Variants in SHTN1 observed in about 807,000 individuals in gnomAD.
SHTN1 encodes shootin 1.
A neutral mutation model predicts 83.1 loss-of-function variants in SHTN1; 42 were observed. That is an observed-to-expected ratio of 0.51 (90% CI 0.39 to 0.65). SHTN1 has a LOEUF of 0.65. Among genes scored for constraint, SHTN1 ranks in the 30% least tolerant of loss-of-function variants. The probability of loss-of-function intolerance (pLI) is 0.00; values close to 1 mark genes in which losing one functional copy is unlikely to be tolerated. For synonymous variants in SHTN1, 224 were observed against 247.7 expected (o/e 0.90, Z 0.90); for missense variants, 622 against 737.8 (o/e 0.84, Z 1.82).
intron 3 of SHTN1, among the ~76,000 whole-genome samples, chr10:116,961,650 G>A (rs1029755758): frequency 7.2e-5 from 11 of 152,122 alleles, no homozygotes; most frequent in East Asian, 1.9e-4. Context: ...CCCAACAATC[G>A]GCTTGGCAGG....
intron 16 of SHTN1, among the ~76,000 whole-genome samples, chr10:116,887,106 T>G (rs1465793188): frequency 1.3e-5 from 2 of 152,140 alleles, no homozygotes; most frequent in Non-Finnish European, 2.9e-5. Context: ...CTGGTCAGAC[T>G]TCAGGAGGGG....
intron 9 of SHTN1, among the ~76,000 whole-genome samples, chr10:116,938,794 C>G (rs1849260858): frequency 2.0e-5 from 3 of 152,238 alleles, no homozygotes; most frequent in Admixed American, 2.0e-4. Context: ...TTCTCTGTCC[C>G]AGGGAGATGG....
intron 2 of SHTN1, among the ~76,000 whole-genome samples, chr10:117,018,863 G>A (rs544453792): frequency 1.3e-4 from 20 of 151,894 alleles, no homozygotes; most frequent in South Asian, 2.1e-4. Flanking sequence ...GAGCCACTGC[G>A]CCTGGCCTGC....
chr10:116,923,117 C>T (rs908147964), intron 11 of SHTN1, among the ~76,000 whole-genome samples: 3 of 151,910 alleles, frequency 2.0e-5, no homozygotes, highest in Admixed American at 6.6e-5. Context: ...AATTTTTCTT[C>T]AATAATGCAA....
At chr10:117,061,661 G>T (rs1269914984) in intron 1 of SHTN1, among the ~76,000 whole-genome samples, 3 of 151,682 alleles carry the variant, frequency 2.0e-5, no homozygotes, top group African/African-American at 7.3e-5. Context: ...AGTAGAGACG[G>T]GGTTTCTCTA....
At chr10:117,073,830 C>T (rs1247222625) in intron 1 of SHTN1, among the ~76,000 whole-genome samples, 1 of 152,162 alleles carries the variant, frequency 6.6e-6, no homozygotes, top group Non-Finnish European at 1.5e-5. Flanking sequence ...CAATGGATGG[C>T]TTTTGCATCT....
intron 2 of SHTN1, among the ~76,000 whole-genome samples, chr10:117,017,903 A>C (rs114719189): frequency 6.6e-6 from 1 of 152,176 alleles, no homozygotes; most frequent in African/African-American, 2.4e-5. Context: ...TTTTCCTAAA[A>C]CCCATAACCC....
intron 2 of SHTN1, among the ~76,000 whole-genome samples, chr10:117,035,408 T>G (rs1000660203): frequency 6.6e-6 from 1 of 152,284 alleles, no homozygotes; most frequent in African/African-American, 2.4e-5. Context: ...GGAAACTCTC[T>G]AGGACACTGG....
At chr10:117,068,445 ACAG>A (rs747046606) in intron 1 of SHTN1, among the ~76,000 whole-genome samples, 1 of 152,082 alleles carries the variant, frequency 6.6e-6, no homozygotes, top group Non-Finnish European at 1.5e-5. Context: ...ATCTCGGATT[ACAG>A]CAAGCTGAAG....
chr10:117,086,880 A>G (rs1245755783), intron 1 of SHTN1, among the ~76,000 whole-genome samples: 1 of 152,238 alleles, frequency 6.6e-6, no homozygotes, highest in Non-Finnish European at 1.5e-5. Context: ...GAGTGGATAA[A>G]CAAAATGTGG....
At chr10:117,124,963 C>T (rs1399350523) in intron 1 of SHTN1, among the ~76,000 whole-genome samples, 4 of 152,104 alleles carry the variant, frequency 2.6e-5, no homozygotes, top group Middle Eastern at 6.8e-3. Context: ...AACCTTGCCC[C>T]GAGTTACTTG....
chr10:116,911,760 G>A (rs1848209411), intron 14 of SHTN1, 30 bp downstream of exon 14: 2 of 1,594,208 alleles, frequency 1.3e-6, no homozygotes, highest in Non-Finnish European at 8.6e-7. Flanking sequence ...TTCCCCATTA[G>A]CTAAACAATA....
chr10:116,936,409 C>T (rs1219569867), intron 9 of SHTN1, among the ~76,000 whole-genome samples: 1 of 152,094 alleles, frequency 6.6e-6, no homozygotes, highest in Non-Finnish European at 1.5e-5. Flanking sequence ...TTTATTTCTG[C>T]CTTAATTTCG....
chr10:116,919,939 A>G (rs1008303015), intron 12 of SHTN1, among the ~76,000 whole-genome samples: 1 of 152,186 alleles, frequency 6.6e-6, no homozygotes, highest in Non-Finnish European at 1.5e-5. Context: ...AACTAAGTCC[A>G]AACTTCAATT....
At chr10:116,928,793 G>A (rs1194145519) in intron 10 of SHTN1, among the ~76,000 whole-genome samples, 1 of 152,086 alleles carries the variant, frequency 6.6e-6, no homozygotes, top group African/African-American at 2.4e-5. Flanking sequence ...CCCTCCAAGG[G>A]GAATCTGAGT....
intron 1 of SHTN1, among the ~76,000 whole-genome samples, chr10:116,983,663 GATAGATAGATAGATA>G (rs1851114415): frequency 1.2e-5 from 1 of 85,620 alleles, no homozygotes; most frequent in African/African-American, 3.5e-5. Flanking sequence ...TAGATAGATA[GATAGATAGATAGATA>G]GATAGATAAA....
chr10:117,007,447 G>A (rs913661433), upstream of SHTN1, among the ~76,000 whole-genome samples: 5 of 149,994 alleles, frequency 3.3e-5, no homozygotes, highest in Admixed American at 6.7e-5. Flanking sequence ...CTAAATCTGC[G>A]GCCTCTTGCA....
chr10:117,029,949 A>G (rs1411832218), intron 2 of SHTN1, among the ~76,000 whole-genome samples: 2 of 132,456 alleles, frequency 1.5e-5, no homozygotes, highest in African/African-American at 5.7e-5. Flanking sequence ...CAATGGTGTC[A>G]ACTATCTTGG....
intron 1 of SHTN1, among the ~76,000 whole-genome samples, chr10:116,995,623 T>C (rs1354637339): frequency 1.3e-5 from 2 of 152,294 alleles, no homozygotes; most frequent in Non-Finnish European, 2.9e-5. Context: ...ATATAGGCAT[T>C]TGCATAAGTT....
Sources: gnomAD v4.1 joint callset for allele counts (sites outside exome capture counted in the v4.1 genomes callset) on GRCh38, gnomAD v4.1.1 for gene constraint, MANE v1.5 for transcripts, NCBI Gene and HGNC (gene_info 2026-07-23, HGNC 2026-07-21) for gene names.